The following ASIC2 variants were observed in gnomAD, a reference collection of about 807,000 sequenced individuals.
ASIC2 encodes the protein acid sensing ion channel subunit 2.
In ASIC2, 25 loss-of-function variants were observed where a neutral mutation model predicts 57.3. The observed-to-expected ratio is 0.44, with a 90% CI of 0.32 to 0.61. The LOEUF is 0.61. Ranked by LOEUF, ASIC2 falls within the 20% of genes least tolerant of loss-of-function variation. ASIC2 has a pLI of 0.06. For missense variants in ASIC2, 641 were observed against 738.1 expected, an observed-to-expected ratio of 0.87 and a Z score of 1.52; for synonymous variants, 319 against 307.5, an observed-to-expected ratio of 1.04 and a Z score of -0.39.
At chr17:34,038,931 C>A (rs1342518007) in intron 1 of ASIC2, 1 of 1,612,602 alleles carries the variant, frequency 6.2e-7, no homozygotes, top group Non-Finnish European at 8.5e-7. Flanking sequence ...AAAGCATAAC[C>A]ATCTGTCCAC....
chr17:33,816,902 A>C (rs927457216), intron 1 of ASIC2: 1 of 152,226 alleles, frequency 6.6e-6, no homozygotes, highest in Non-Finnish European at 1.5e-5. Context: ...CACCTTGCAG[A>C]GTCATAAAGC....
At chr17:33,537,742 A>G (rs1177177976) in intron 1 of ASIC2, among the ~76,000 whole-genome samples, 1 of 152,216 alleles carries the variant, frequency 6.6e-6, no homozygotes, top group Non-Finnish European at 1.5e-5. Flanking sequence ...CCACAGGGCA[A>G]AGGGGGAAAC....
intron 1 of ASIC2, among the ~76,000 whole-genome samples, chr17:33,981,916 G>A (rs4794984): frequency 0.12 from 18,078 of 152,178 alleles, 1,478 homozygotes; most frequent in East Asian, 0.35. Context: ...ACTCACTTCC[G>A]TCTGATTCCA....
chr17:33,915,626 C>T (rs1036955952), intron 1 of ASIC2, among the ~76,000 whole-genome samples: 4 of 152,200 alleles, frequency 2.6e-5, no homozygotes, highest in Admixed American at 6.5e-5. Flanking sequence ...ACTGTTTCAA[C>T]ACTAGTTTCC....
chr17:33,910,099 G>A (rs1234251280), intron 1 of ASIC2, among the ~76,000 whole-genome samples: 1 of 152,214 alleles, frequency 6.6e-6, no homozygotes, highest in African/African-American at 2.4e-5. Flanking sequence ...CATGTAGCAA[G>A]AGCCCAGGAA....
chr17:33,523,790 C>T (rs1416059354), intron 1 of ASIC2, among the ~76,000 whole-genome samples: 2 of 152,154 alleles, frequency 1.3e-5, no homozygotes, highest in African/African-American at 2.4e-5. Flanking sequence ...GTCATCTACT[C>T]ACGGCTGATG....
intron 8 of ASIC2, 99 bp from the exon 9 acceptor site, chr17:33,016,138 G>A (rs2091804595): frequency 8.6e-7 from 1 of 1,159,276 alleles, no homozygotes; most frequent in African/African-American, 1.5e-5. Flanking sequence ...GCAGCTGCTT[G>A]GGCTGTGGCT....
At chr17:33,744,198 T>G (rs1450492263) in intron 1 of ASIC2, among the ~76,000 whole-genome samples, 4 of 152,218 alleles carry the variant, frequency 2.6e-5, no homozygotes, top group African/African-American at 9.7e-5. Flanking sequence ...AGAAACAGAC[T>G]GCTAAGAAAC....
chr17:33,343,208 AACCCACTT>A, intron 1 of ASIC2, among the ~76,000 whole-genome samples: 1 of 152,174 alleles, frequency 6.6e-6, no homozygotes. Context: ...GGGCCAGGAC[AACCCACTT>A]ACACGTTCAG....
At chr17:34,136,479 A>C (rs2142132956) in intron 1 of ASIC2, among the ~76,000 whole-genome samples, 1 of 152,294 alleles carries the variant, frequency 6.6e-6, no homozygotes, top group East Asian at 1.9e-4. Context: ...AACCCTACTT[A>C]CTTAATTCAA....
At chr17:33,271,440 C>G (rs1904488135) in intron 1 of ASIC2, among the ~76,000 whole-genome samples, 1 of 152,188 alleles carries the variant, frequency 6.6e-6, no homozygotes, top group South Asian at 2.1e-4. Context: ...TTACTTCAGT[C>G]TCAACAGACC....
intron 1 of ASIC2, among the ~76,000 whole-genome samples, chr17:34,011,967 T>C (rs1314041740): frequency 6.6e-6 from 1 of 152,194 alleles, no homozygotes; most frequent in African/African-American, 2.4e-5. Context: ...TTGGGCATTT[T>C]CACTCATGGT....
chr17:33,282,675 A>T lies in ASIC2; in HGVS notation c.708+8733T>A, dbSNP rs1044632273. On this transcript the variant is annotated intron_variant, in intron 1 of 9. Transcript: ENST00000225823. Reference sequence around the variant, plus strand: ...TTTTTAGTAGAGATGGGGTTTCACCATGTTGGCCAGACTGGTCTTGAACTC... The same window carrying T: ...TTTTTAGTAGAGATGGGGTTTCACCTTGTTGGCCAGACTGGTCTTGAACTC... 2.0e-5 allele frequency among the ~76,000 whole-genome samples: 3 copies of T among 152,124 alleles called. No homozygotes were observed. In the South Asian group the frequency reaches 6.2e-4, roughly 31 times the overall value.
chr17:33,527,658 C>T (rs1914924843), intron 1 of ASIC2, among the ~76,000 whole-genome samples: 1 of 152,092 alleles, frequency 6.6e-6, no homozygotes, highest in Admixed American at 6.5e-5. Flanking sequence ...AAAGAGAACC[C>T]CCTGACACAT....
chr17:33,342,763 A>G (rs965696110), intron 1 of ASIC2, among the ~76,000 whole-genome samples: 1 of 152,094 alleles, frequency 6.6e-6, no homozygotes, highest in African/African-American at 2.4e-5. Context: ...TTTCTGGGCA[A>G]AGCTCAGATC....
intron 1 of ASIC2, among the ~76,000 whole-genome samples, chr17:33,436,824 A>G (rs974370593): frequency 5.4e-5 from 8 of 147,770 alleles, no homozygotes; most frequent in Non-Finnish European, 8.9e-5. Context: ...TATAAGGAAC[A>G]TGCAATGCCT....
At chr17:33,217,210 A>G (rs1481534902) in intron 1 of ASIC2, among the ~76,000 whole-genome samples, 3 of 152,120 alleles carry the variant, frequency 2.0e-5, no homozygotes, top group Non-Finnish European at 4.4e-5. Context: ...CTTCCTTCTG[A>G]TGGATGGTTA....
intron 1 of ASIC2, among the ~76,000 whole-genome samples, chr17:34,099,738 GAA>G (rs1244079046): frequency 0.098 from 49 of 502 alleles, 1 homozygote; most frequent in Middle Eastern, 0.25. Context: ...AAGAAGGAAA[GAA>G]AGAAAGAAAG....
chr17:33,734,106 C>T (rs1909833566), intron 1 of ASIC2, among the ~76,000 whole-genome samples: 1 of 152,184 alleles, frequency 6.6e-6, no homozygotes, highest in Non-Finnish European at 1.5e-5. Flanking sequence ...TCCCCCCTAC[C>T]CCACAGGCAC....
Sources: gnomAD v4.1 joint callset for allele counts (sites outside exome capture counted in the v4.1 genomes callset) on GRCh38, gnomAD v4.1.1 for gene constraint, MANE v1.5 for transcripts, NCBI Gene and HGNC (gene_info 2026-07-23, HGNC 2026-07-21) for gene names.